Variants in LYPD6B observed in about 807,000 individuals in gnomAD.
LYPD6B encodes ly6/PLAUR domain-containing protein 6B.
Under a neutral mutation model 22.8 loss-of-function variants are expected in LYPD6B, and 17 were observed. The observed-to-expected ratio is 0.75, with a 90% CI of 0.51 to 1.12. The LOEUF (loss-of-function observed/expected upper bound fraction) is 1.12. Ranked by LOEUF, LYPD6B falls within the 50% of genes most tolerant of loss-of-function variation. The pLI is 0.00. For synonymous variants in LYPD6B, 106 were observed against 91.6 expected (o/e 1.16, Z -0.90); for missense variants, 221 against 258.3 (o/e 0.86, Z 0.99).
At chr2:149,208,496 A>G in intron 5 of LYPD6B, 84 bp downstream of exon 5, 1 of 1,155,718 alleles carries the variant, frequency 8.7e-7, no homozygotes, top group Admixed American at 1.9e-5. Flanking sequence ...TAGGAATCAG[A>G]TGTATTTTTT....
At chr2:149,181,686 T>A (rs1165549822) in intron 3 of LYPD6B, among the ~76,000 whole-genome samples, 1 of 152,228 alleles carries the variant, frequency 6.6e-6, no homozygotes, top group Non-Finnish European at 1.5e-5. Flanking sequence ...TAATTCCATT[T>A]TCCTATCATA....
chr2:149,165,100 C>T (rs1379943485), intron 3 of LYPD6B, among the ~76,000 whole-genome samples: 2 of 152,162 alleles, frequency 1.3e-5, no homozygotes, highest in African/African-American at 4.8e-5. Context: ...TAGGGGATCT[C>T]AGCTGAGATG....
chr2:149,081,303 C>T (rs1415203374), intron 1 of LYPD6B, among the ~76,000 whole-genome samples: 1 of 152,136 alleles, frequency 6.6e-6, no homozygotes, highest in Non-Finnish European at 1.5e-5. Flanking sequence ...TTCCCAATTG[C>T]CTTGAGCTCT....
chr2:149,103,795 G>A (rs1412808501), intron 1 of LYPD6B, among the ~76,000 whole-genome samples: 2 of 8,144 alleles, frequency 2.5e-4, no homozygotes, highest in Non-Finnish European at 5.2e-4. Context: ...TTTTTTTTTT[G>A]AGACGGAATC....
intron 1 of LYPD6B, chr2:149,068,883 C>T: frequency 3.1e-6 from 1 of 318,504 alleles, no homozygotes; most frequent in Non-Finnish European, 6.5e-6. Context: ...TCCTGAAAAG[C>T]AAACTTCTGC....
At position 149,141,504 on chromosome 2, in the gene LYPD6B, G is replaced by A. The variant is rs189245180; in HGVS notation, c.5+10551G>A. On this transcript the variant is annotated intron_variant, in intron 2 of 6. Transcript: ENST00000409642. ...AGCCATTCAACATTTTGCATTCCAA[G>A]TGAATTTAATGGGTCCATAGTTTCT... is the stretch of plus-strand genomic sequence containing the variant. Among the ~76,000 whole-genome samples the A allele has an allele frequency of 1.1e-3, 162 of 152,276 alleles. 1 individual carries two copies. The highest frequency in any genetic ancestry group is 3.7e-3 in the African/African-American group (154 of 41,550).
chr2:149,172,525 C>T (rs1459631586), intron 3 of LYPD6B, among the ~76,000 whole-genome samples: 1 of 152,138 alleles, frequency 6.6e-6, no homozygotes, highest in Non-Finnish European at 1.5e-5. Flanking sequence ...ATGCCTTGTT[C>T]AGTGGTACAA....
chr2:149,073,597 T>C (rs571645334), intron 1 of LYPD6B, among the ~76,000 whole-genome samples: 38 of 152,250 alleles, frequency 2.5e-4, no homozygotes, highest in Non-Finnish European at 5.0e-4. Context: ...AGATCCGTTG[T>C]GCTGCTGAGG....
intron 3 of LYPD6B, chr2:149,188,784 T>G (rs1287943713): frequency 2.0e-6 from 1 of 490,794 alleles, no homozygotes; most frequent in African/African-American, 2.1e-5. Flanking sequence ...AGCTAGTATT[T>G]ATGGAGTTCT....
chr2:149,047,878 C>G (rs1315732319), intron 1 of LYPD6B, among the ~76,000 whole-genome samples: 2 of 152,030 alleles, frequency 1.3e-5, no homozygotes, highest in Non-Finnish European at 2.9e-5. Context: ...TTTTCAAGTT[C>G]AATGATTTTT....
chr2:149,145,671 A>G (rs1320279962), intron 2 of LYPD6B, among the ~76,000 whole-genome samples: 1 of 152,116 alleles, frequency 6.6e-6, no homozygotes, highest in Non-Finnish European at 1.5e-5. Flanking sequence ...CATCAGCAAA[A>G]TTTTGTCCTA....
At chr2:149,131,016 C>T in intron 2 of LYPD6B, 63 bp downstream of exon 2, 1 of 1,162,392 alleles carries the variant, frequency 8.6e-7, no homozygotes, top group South Asian at 1.3e-5. Context: ...AAATGCTTAC[C>T]ACATGAGCTA....
At chr2:149,107,105 C>T (rs1312851125) in intron 1 of LYPD6B, among the ~76,000 whole-genome samples, 1 of 152,120 alleles carries the variant, frequency 6.6e-6, no homozygotes, top group East Asian at 1.9e-4. Flanking sequence ...TAAGAATATA[C>T]TATAATTAAA....
chr2:149,157,393 A>G (rs1412773942), intron 2 of LYPD6B, among the ~76,000 whole-genome samples: 1 of 152,198 alleles, frequency 6.6e-6, no homozygotes, highest in Non-Finnish European at 1.5e-5. Flanking sequence ...TGTTTAAATG[A>G]CATGTTCCCA....
chr2:149,044,805 T>C (rs13405013), intron 1 of LYPD6B, among the ~76,000 whole-genome samples: 2,792 of 145,694 alleles, frequency 0.019, 86 homozygotes, highest in African/African-American at 0.067. Flanking sequence ...ACAGTGTTTT[T>C]TAAAATTATG....
chr2:149,123,351 G>C (rs564842324), intron 1 of LYPD6B, among the ~76,000 whole-genome samples: 1 of 152,206 alleles, frequency 6.6e-6, no homozygotes, highest in South Asian at 2.1e-4. Context: ...GTATGTCTAA[G>C]GATTTTGGGC....
intron 2 of LYPD6B, among the ~76,000 whole-genome samples, chr2:149,147,199 C>T (rs1384883958): frequency 3.3e-5 from 5 of 151,872 alleles, no homozygotes; most frequent in South Asian, 2.1e-4. Context: ...TCAAACTCTA[C>T]GTGTTCAAAA....
At chr2:149,134,734 C>G (rs905551696) in intron 2 of LYPD6B, among the ~76,000 whole-genome samples, 2 of 152,142 alleles carry the variant, frequency 1.3e-5, no homozygotes, top group African/African-American at 2.4e-5. Flanking sequence ...GGAAGCAAGC[C>G]AGGATCCATC....
chr2:149,076,181 A>C (rs1232347342), intron 1 of LYPD6B, among the ~76,000 whole-genome samples: 2 of 152,214 alleles, frequency 1.3e-5, no homozygotes, highest in Non-Finnish European at 2.9e-5. Context: ...GAGTAGCACT[A>C]GAGTAACTTA....
Sources: gnomAD v4.1 joint callset for allele counts (sites outside exome capture counted in the v4.1 genomes callset) on GRCh38, gnomAD v4.1.1 for gene constraint, MANE v1.5 for transcripts, NCBI Gene and HGNC (gene_info 2026-07-23, HGNC 2026-07-21) for gene names.